The following TMEM132B variants were observed in gnomAD, a reference collection of about 807,000 sequenced individuals.
TMEM132B encodes the protein transmembrane protein 132B.
Under a neutral mutation model 90.8 loss-of-function variants are expected in TMEM132B, and 18 were observed. The ratio of observed to expected loss-of-function variants is 0.20; its 90% CI spans 0.14 to 0.29. The LOEUF (loss-of-function observed/expected upper bound fraction) is 0.29. TMEM132B is among the 10% of genes least tolerant of loss of function. The pLI is 1.00. For missense variants in TMEM132B, 1,096 were observed against 1,326.8 expected (o/e 0.83, Z 2.70); for synonymous variants, 504 against 523.3 (o/e 0.96, Z 0.50).
At chr12:125,499,985 C>G (rs1426774125) in intron 3 of TMEM132B, among the ~76,000 whole-genome samples, 1 of 152,212 alleles carries the variant, frequency 6.6e-6, no homozygotes, top group Non-Finnish European at 1.5e-5. Flanking sequence ...CCCTAAATCC[C>G]TCACTAACCT....
chr12:125,404,720 T>C (rs977237266), intron 2 of TMEM132B, among the ~76,000 whole-genome samples: 7 of 152,198 alleles, frequency 4.6e-5, no homozygotes, highest in African/African-American at 1.7e-4. Context: ...CTAGTCCTTC[T>C]TGCAGCTGGA....
At chr12:125,290,746 A>G (rs1342440321) in intron 1 of TMEM132B, among the ~76,000 whole-genome samples, 1 of 152,064 alleles carries the variant, frequency 6.6e-6, no homozygotes, top group Non-Finnish European at 1.5e-5. Flanking sequence ...TGCCACGGTA[A>G]ACAATACTAC....
intron 3 of TMEM132B, among the ~76,000 whole-genome samples, chr12:125,476,845 T>C (rs923909536): frequency 1.3e-5 from 2 of 152,166 alleles, no homozygotes; most frequent in Non-Finnish European, 2.9e-5. Flanking sequence ...TAGGACTGTG[T>C]AAAGCTGGCA....
chr12:125,405,624 G>A (rs1395559653), intron 2 of TMEM132B, among the ~76,000 whole-genome samples: 1 of 152,086 alleles, frequency 6.6e-6, no homozygotes, highest in Non-Finnish European at 1.5e-5. Flanking sequence ...ATAGTGGCCA[G>A]ATGGGCAGGC....
chr12:125,612,157 C>A (rs907317477), intron 5 of TMEM132B, among the ~76,000 whole-genome samples: 8 of 152,002 alleles, frequency 5.3e-5, no homozygotes, highest in African/African-American at 1.9e-4. Context: ...TAAAAAAGGT[C>A]CCTTTTAATT....
At chr12:125,340,481 T>C (rs1364406396) in intron 1 of TMEM132B, among the ~76,000 whole-genome samples, 4 of 152,044 alleles carry the variant, frequency 2.6e-5, no homozygotes, top group African/African-American at 7.2e-5. Flanking sequence ...GTGTAGGTAG[T>C]GTCTATTTGA....
At chr12:125,564,119 G>T (rs1403943194) in intron 4 of TMEM132B, among the ~76,000 whole-genome samples, 1 of 152,176 alleles carries the variant, frequency 6.6e-6, no homozygotes, top group Non-Finnish European at 1.5e-5. Context: ...TAATACAGCT[G>T]TGAAGACAAA....
intron 3 of TMEM132B, among the ~76,000 whole-genome samples, chr12:125,480,641 C>G (rs996346133): frequency 6.6e-6 from 1 of 152,122 alleles, no homozygotes; most frequent in Non-Finnish European, 1.5e-5. Flanking sequence ...ACAAAAAGTT[C>G]AGGACCAGAC....
At chr12:125,629,808 G>T (rs1286016441) in intron 5 of TMEM132B, among the ~76,000 whole-genome samples, 1 of 152,038 alleles carries the variant, frequency 6.6e-6, no homozygotes, top group Admixed American at 6.6e-5. Context: ...GTTGAAGTAT[G>T]TTCCTTGTAT....
At chr12:125,220,970 A>G (rs1227835443) in intron 1 of TMEM132B, among the ~76,000 whole-genome samples, 6 of 152,208 alleles carry the variant, frequency 3.9e-5, no homozygotes. Context: ...TTGCACGTGC[A>G]ATTCTGTTTG....
intron 4 of TMEM132B, among the ~76,000 whole-genome samples, chr12:125,545,184 C>T (rs928272677): frequency 2.6e-5 from 4 of 152,198 alleles, no homozygotes; most frequent in Non-Finnish European, 4.4e-5. Flanking sequence ...GCGGCTTGCT[C>T]TCCAAGGTTA....
chr12:125,518,943 C>A (rs1883234833), intron 3 of TMEM132B, among the ~76,000 whole-genome samples: 3 of 152,220 alleles, frequency 2.0e-5, no homozygotes, highest in African/African-American at 4.8e-5. Flanking sequence ...CCCATGAGGT[C>A]CCCACTATTC....
At position 125,459,912 on chromosome 12, in the gene TMEM132B, C is replaced by T. The variant is rs530951357; in HGVS notation, c.1106+44235C>T. Among the ~76,000 whole-genome samples the T allele has an allele frequency of 2.6e-5, 4 of 152,304 alleles. No individual in the cohort carries two copies. In the East Asian group the frequency reaches 7.7e-4, roughly 29 times the overall value. On this transcript the variant is annotated intron_variant, in intron 3 of 8. Transcript: ENST00000682704. The surrounding 1 kb of genome is among the most constrained non-coding windows in gnomAD (Gnocchi z 4.1). ...ATTTTATAAGGGGTTTCCCCTTTCTCTTGGCTCTCATTTCCCTCTCTTGCC... is the reference window on the plus strand; with the variant it reads ...ATTTTATAAGGGGTTTCCCCTTTCTTTTGGCTCTCATTTCCCTCTCTTGCC...
rs77482955 is a variant in TMEM132B at position 125,537,232 on chromosome 12, G to T, written c.1293+17607G>T. ...CACAAATCCATGTATAAGTGGAACTGCACAGTCCAAACCCATGTTGTTCAA... is the reference window on the plus strand; with the variant it reads ...CACAAATCCATGTATAAGTGGAACTTCACAGTCCAAACCCATGTTGTTCAA... On this transcript the variant is annotated intron_variant, in intron 4 of 8. Coordinates refer to ENST00000682704, the MANE Select transcript of TMEM132B (RefSeq NM_001366854.1). Among the ~76,000 whole-genome samples the T allele has an allele frequency of 2.7e-3, 409 of 152,332 alleles. 1 individual carries two copies. The highest frequency in any genetic ancestry group is 9.3e-3 in the African/African-American group (387 of 41,576).
intron 3 of TMEM132B, among the ~76,000 whole-genome samples, chr12:125,488,412 A>G (rs560094482): frequency 6.6e-6 from 1 of 152,338 alleles, no homozygotes; most frequent in African/African-American, 2.4e-5. Flanking sequence ...ATCTTGAATT[A>G]TAACCCTCAC....
chr12:125,625,164 G>T (rs1367724627), intron 5 of TMEM132B, among the ~76,000 whole-genome samples: 1 of 121,778 alleles, frequency 8.2e-6, no homozygotes, highest in Non-Finnish European at 1.7e-5. Context: ...ACTGAGTCTC[G>T]CTCTGTTGCC....
At chr12:125,260,810 G>A (rs558315760) in intron 1 of TMEM132B, among the ~76,000 whole-genome samples, 50 of 152,288 alleles carry the variant, frequency 3.3e-4, no homozygotes, top group African/African-American at 1.1e-3. Flanking sequence ...AAGCACTTTA[G>A]GAGGGCGACG....
chr12:125,566,643 G>A (rs1463012251), intron 4 of TMEM132B, among the ~76,000 whole-genome samples: 1 of 152,092 alleles, frequency 6.6e-6, no homozygotes, highest in Non-Finnish European at 1.5e-5. Context: ...GGCTCAATCA[G>A]TTTTAGAGAA....
intron 3 of TMEM132B, among the ~76,000 whole-genome samples, chr12:125,516,860 G>A (rs112576548): frequency 7.2e-5 from 11 of 152,174 alleles, no homozygotes; most frequent in African/African-American, 2.7e-4. Flanking sequence ...TTGAAAATTT[G>A]GTCTGACAGG....
Sources: allele counts gnomAD v4.1 joint callset (sites outside exome capture counted in the v4.1 genomes callset), GRCh38; gene constraint gnomAD v4.1.1; non-coding constraint Gnocchi (gnomAD v3.1); transcripts MANE v1.5; gene names NCBI Gene and HGNC (gene_info 2026-07-23, HGNC 2026-07-21).